RGS5: variants seen among roughly 807,000 people sequenced by gnomAD.
RGS5 encodes the protein regulator of G protein signaling 5.
A neutral mutation model predicts 18.9 loss-of-function variants in RGS5; 20 were observed. That is an observed-to-expected ratio of 1.06 (90% CI 0.74 to 1.54). The LOEUF is 1.54. RGS5 is among the 40% of genes most tolerant of loss of function. The probability of loss-of-function intolerance (pLI) is 0.00; values close to 1 mark genes in which losing one functional copy is unlikely to be tolerated. For missense variants in RGS5, 201 were observed against 211.8 expected, an observed-to-expected ratio of 0.95 and a Z score of 0.32; for synonymous variants, 57 against 76.2, an observed-to-expected ratio of 0.75 and a Z score of 1.31.
chr1:163,165,524 C>T (rs1316286071), intron 2 of RGS5, among the ~76,000 whole-genome samples: 2 of 152,150 alleles, frequency 1.3e-5, no homozygotes, highest in Non-Finnish European at 2.9e-5. Context: ...TGCTCACATC[C>T]AGAGGGTGAG....
chr1:163,281,330 C>T (rs1401858934), intron 2 of RGS5, among the ~76,000 whole-genome samples: 5 of 152,088 alleles, frequency 3.3e-5, no homozygotes, highest in African/African-American at 1.2e-4. Context: ...TTTATTTTGG[C>T]TCATGGTTCT....
chr1:163,222,515 T>C (rs568325990), upstream of RGS5, among the ~76,000 whole-genome samples: 32 of 152,226 alleles, frequency 2.1e-4, no homozygotes, highest in East Asian at 5.8e-4. Context: ...AAAGTGGTGA[T>C]TGGATTCTCA....
At chr1:163,314,612 ATGAG>A (rs2101652391) in intron 1 of RGS5, among the ~76,000 whole-genome samples, 1 of 152,294 alleles carries the variant, frequency 6.6e-6, no homozygotes, top group Admixed American at 6.5e-5. Context: ...GATAGTTATT[ATGAG>A]TTTCATTTTT....
intron 1 of RGS5, among the ~76,000 whole-genome samples, chr1:163,314,572 C>A (rs1449783361): frequency 6.6e-6 from 1 of 151,090 alleles, no homozygotes; most frequent in Non-Finnish European, 1.5e-5. Context: ...ACAAAAAAAA[C>A]CTACTTATCC....
At position 163,152,583 on chromosome 1, in the gene RGS5, A is replaced by G. The variant is rs757138090; in HGVS notation, c.351T>C (p.Tyr117=). Residue 117 remains tyrosine (Y), a synonymous_variant, in exon 4 of 5, where the codon TAT becomes TAC. Coordinates refer to ENST00000313961, the MANE Select transcript of RGS5 (RefSeq NM_003617.4). The stretch of plus-strand genomic sequence containing the variant: ...GAGCCTCCGTTTGAATGAATTCTTC[A>G]TAAATTTGCTTTGCCTTCTCAGCCA... ...AKMAEKAKQI[Y]EEFIQTEAPK... The G allele has an allele frequency of 6.2e-7, 1 of 1,613,012 alleles. No individual in the cohort carries two copies. Among genetic ancestry groups the G allele is most frequent in the Non-Finnish European group, 8.5e-7 (1 of 1,179,330 alleles).
intron 2 of RGS5, among the ~76,000 whole-genome samples, chr1:163,287,255 C>T (rs1318223834): frequency 6.6e-6 from 1 of 152,114 alleles, no homozygotes; most frequent in Non-Finnish European, 1.5e-5. Flanking sequence ...ATGTAGAATG[C>T]TAGGACAAAG....
intron 2 of RGS5, among the ~76,000 whole-genome samples, chr1:163,282,519 G>A (rs1649021619): frequency 6.6e-6 from 1 of 151,994 alleles, no homozygotes; most frequent in African/African-American, 2.4e-5. Flanking sequence ...AACAAGCATA[G>A]GCTAAGTGAG....
intron 2 of RGS5, among the ~76,000 whole-genome samples, chr1:163,262,326 G>T: frequency 1.1e-5 from 1 of 88,514 alleles, no homozygotes; most frequent in South Asian, 4.5e-4. Context: ...CCCCACCACA[G>T]TCCCCAGAGT....
intron 2 of RGS5, among the ~76,000 whole-genome samples, chr1:163,225,979 G>C (rs895787783): frequency 6.6e-6 from 1 of 151,554 alleles, no homozygotes; most frequent in Non-Finnish European, 1.5e-5. Context: ...GGAGTGCAAT[G>C]GCGCAATCTC....
chr1:163,164,248 C>T (rs1303086073), intron 2 of RGS5, among the ~76,000 whole-genome samples: 1 of 152,148 alleles, frequency 6.6e-6, no homozygotes, highest in Admixed American at 6.5e-5. Flanking sequence ...AAGATAGATG[C>T]AGATCTAAAT....
intron 2 of RGS5, among the ~76,000 whole-genome samples, chr1:163,235,485 C>T (rs149800891): frequency 1.5e-3 from 228 of 152,320 alleles, no homozygotes; most frequent in African/African-American, 5.2e-3. Context: ...ATTTCACCTT[C>T]CACAGTAGGG....
intron 1 of RGS5, among the ~76,000 whole-genome samples, chr1:163,169,063 C>A (rs940828801): frequency 6.7e-6 from 1 of 148,638 alleles, no homozygotes; most frequent in Non-Finnish European, 1.5e-5. Context: ...CTTCCTGTGT[C>A]CATGTGTTCT....
In RGS5 at chr1:163,147,145, G is replaced by C. The variant is rs749167114; in HGVS notation, c.*197C>G. ...ATAACAGGGCAGGAAGAATTGAGTG[G>C]GGAAAGAAGGCCTTCGGACAGTAGA... On this transcript the variant is annotated 3_prime_UTR_variant, in exon 5 of 5. Coordinates refer to ENST00000313961, the MANE Select transcript of RGS5 (RefSeq NM_003617.4). 123 of 420,138 alleles carry C rather than the reference G, an allele frequency of 2.9e-4. No homozygotes were observed. Among genetic ancestry groups the C allele is most frequent in the Non-Finnish European group, 3.8e-4 (92 of 242,470 alleles). The allele number at this position is 420,138 out of a possible 1,614,324, so 26.0% of individuals were successfully genotyped here.
chr1:163,244,833 C>T (rs935042032), intron 2 of RGS5: 11 of 152,150 alleles, frequency 7.2e-5, no homozygotes, highest in African/African-American at 2.2e-4. Flanking sequence ...TCATCTATAA[C>T]AAGTCTAATG....
At chr1:163,210,868 G>C (rs913090502) in intron 1 of RGS5, 1 of 152,098 alleles carries the variant, frequency 6.6e-6, no homozygotes, top group African/African-American at 2.4e-5. Context: ...AGGTCTCTAC[G>C]TTGGCTATGC....
intron 1 of RGS5, chr1:163,321,611 C>G (rs1291228696): frequency 6.6e-6 from 1 of 152,178 alleles, no homozygotes; most frequent in East Asian, 1.9e-4. Context: ...CTCTGGAATT[C>G]TATAAATTAC....
intron 2 of RGS5, among the ~76,000 whole-genome samples, chr1:163,277,584 T>C (rs535131160): frequency 6.6e-6 from 1 of 152,190 alleles, no homozygotes; most frequent in Non-Finnish European, 1.5e-5. Flanking sequence ...ACTGGGTGAT[T>C]TTTATAAATG....
intron 2 of RGS5, among the ~76,000 whole-genome samples, chr1:163,269,173 G>T (rs1263967312): frequency 6.6e-6 from 1 of 152,064 alleles, no homozygotes; most frequent in African/African-American, 2.4e-5. Flanking sequence ...TGTTTGTGGG[G>T]CTATCTAAAG....
chr1:163,164,793 G>A (rs1259657951), intron 2 of RGS5, among the ~76,000 whole-genome samples: 1 of 152,186 alleles, frequency 6.6e-6, no homozygotes. Context: ...AACCTCAAGT[G>A]CCTGTGGTTG....
Sources: gnomAD v4.1 joint callset for allele counts (sites outside exome capture counted in the v4.1 genomes callset) on GRCh38, gnomAD v4.1.1 for gene constraint, MANE v1.5 for transcripts, NCBI Gene and HGNC (gene_info 2026-07-23, HGNC 2026-07-21) for gene names.